Variants in EYS observed in about 807,000 individuals in gnomAD.
EYS encodes the protein protein eyes shut homolog.
EYS carries 250 observed loss-of-function variants against 282.1 expected under a neutral mutation model. The observed-to-expected ratio is 0.89, with a 90% confidence interval of 0.80 to 0.98. EYS has a LOEUF of 0.98. EYS is among the 50% of genes least tolerant of loss of function. The pLI, the probability that EYS is intolerant of heterozygous loss-of-function variation, is 0.00. For missense variants in EYS, 4,016 were observed against 3,709.0 expected (o/e 1.08, Z -2.15); for synonymous variants, 1,355 against 1,282.9 (o/e 1.06, Z -1.20).
At chr6:64,793,766 A>G (rs149847144) in intron 22 of EYS, among the ~76,000 whole-genome samples, 17 of 152,272 alleles carry the variant, frequency 1.1e-4, no homozygotes, top group African/African-American at 3.8e-4. Flanking sequence ...AAAATGTTTT[A>G]CAAATGTCTT....
chr6:64,832,085 C>T (rs1038074123), intron 19 of EYS, among the ~76,000 whole-genome samples: 1 of 151,886 alleles, frequency 6.6e-6, no homozygotes, highest in Non-Finnish European at 1.5e-5. Context: ...ATAGATGAGT[C>T]GGACTTCTGT....
At chr6:65,550,002 C>CCAG (rs3049785) in intron 2 of EYS, among the ~76,000 whole-genome samples, 83,102 of 151,614 alleles carry the variant, frequency 0.55, 22,780 homozygotes, top group East Asian at 0.71. Context: ...CCTCCCTGGA[C>CCAG]CAGTGGTACA....
chr6:65,011,091 G>T (rs1383962122), intron 13 of EYS, among the ~76,000 whole-genome samples: 1 of 152,194 alleles, frequency 6.6e-6, no homozygotes, highest in Non-Finnish European at 1.5e-5. Context: ...GTAGAATGGG[G>T]AACCTCACAA....
Position 64,886,785 on chromosome 6 carries a change from A to T in EYS, c.2904T>A (p.Asn968Lys). Reference protein sequence around the residue: ...YHGPFCELDVNKCKISPCLDE... With the variant: ...YHGPFCELDVKKCKISPCLDE... ...CTAGACAAGGTGAGATTTTACATTT[A>T]TTTACATCAAGTTCACAGAAGGGCC... Residue 968 changes from asparagine to lysine, a missense_variant, in exon 19 of 43, where the codon AAT becomes AAA. By Grantham distance (94) the Asn-to-Lys change is moderately conservative. Transcript: ENST00000503581. 1 of 1,547,028 alleles carries T rather than the reference A, an allele frequency of 6.5e-7. No homozygotes were observed. The highest frequency in any genetic ancestry group is 8.7e-7 in the Non-Finnish European group (1 of 1,144,206).
intron 2 of EYS, among the ~76,000 whole-genome samples, chr6:65,504,465 C>T (rs548049135): frequency 8.2e-4 from 125 of 151,798 alleles, no homozygotes; most frequent in South Asian, 1.9e-3. Flanking sequence ...AGAGGACATT[C>T]TTGCCTTGTT....
intron 19 of EYS, among the ~76,000 whole-genome samples, chr6:64,886,309 TGTC>T (rs1767084764): frequency 6.8e-6 from 1 of 146,342 alleles, no homozygotes; most frequent in Admixed American, 6.8e-5. Flanking sequence ...TCACAATGGC[TGTC>T]TTTTTATGTA....
At chr6:64,921,949 T>A (rs1286192340) in intron 15 of EYS, among the ~76,000 whole-genome samples, 1 of 151,564 alleles carries the variant, frequency 6.6e-6, no homozygotes, top group Admixed American at 6.6e-5. Flanking sequence ...TGATGAAAAA[T>A]TTTAAAAAAC....
chr6:65,358,599 A>ATTGTGT, intron 8 of EYS, among the ~76,000 whole-genome samples: 1 of 140,932 alleles, frequency 7.1e-6, no homozygotes, highest in East Asian at 2.1e-4. Flanking sequence ...AGGTTTCTGA[A>ATTGTGT]GTGTGTGTGT....
intron 34 of EYS, among the ~76,000 whole-genome samples, chr6:63,988,517 A>G (rs1329412026): frequency 1.3e-5 from 2 of 151,682 alleles, no homozygotes; most frequent in East Asian, 3.9e-4. Flanking sequence ...AAAAAAGCAG[A>G]TGTTGTTGGC....
chr6:64,825,061 T>C (rs1007177494), intron 19 of EYS, among the ~76,000 whole-genome samples: 1 of 151,952 alleles, frequency 6.6e-6, no homozygotes, highest in Non-Finnish European at 1.5e-5. Context: ...TTGACTAGTC[T>C]ACTTTACTTA....
At chr6:64,846,989 G>A (rs1270759698) in intron 19 of EYS, among the ~76,000 whole-genome samples, 3 of 146,026 alleles carry the variant, frequency 2.1e-5, no homozygotes, top group African/African-American at 5.0e-5. Context: ...TGTAAACTGA[G>A]TAAAGCATAT....
chr6:64,286,150 C>G (rs1768491969), intron 30 of EYS, among the ~76,000 whole-genome samples: 1 of 152,086 alleles, frequency 6.6e-6, no homozygotes, highest in Non-Finnish European at 1.5e-5. Context: ...CCCAGGAAAC[C>G]CCGACAGCAT....
chr6:64,913,289 G>A (rs1013047006), intron 15 of EYS, among the ~76,000 whole-genome samples: 1 of 152,082 alleles, frequency 6.6e-6, no homozygotes, highest in African/African-American at 2.4e-5. Context: ...GGGCTTACAT[G>A]TGCAGGTTTG....
chr6:64,634,127 G>A (rs1767887695), intron 22 of EYS, among the ~76,000 whole-genome samples: 1 of 152,144 alleles, frequency 6.6e-6, no homozygotes, highest in South Asian at 2.1e-4. Context: ...GGGACTACAG[G>A]TGTGCGCCAC....
chr6:64,818,283 T>G (rs914299270), intron 21 of EYS, among the ~76,000 whole-genome samples: 1 of 152,168 alleles, frequency 6.6e-6, no homozygotes, highest in Non-Finnish European at 1.5e-5. Flanking sequence ...TGGCATATGT[T>G]CTCTCCCCAG....
intron 33 of EYS, among the ~76,000 whole-genome samples, chr6:64,000,199 T>G (rs1768025606): frequency 1.7e-5 from 2 of 116,088 alleles, no homozygotes; most frequent in Non-Finnish European, 3.5e-5. Flanking sequence ...TTTTTTTTTT[T>G]TTTTTTTTTT....
chr6:64,660,252 T>C (rs1464959846), intron 22 of EYS, among the ~76,000 whole-genome samples: 12 of 152,114 alleles, frequency 7.9e-5, no homozygotes, highest in African/African-American at 2.9e-4. Context: ...TAATAAGAGC[T>C]ATCTATGACA....
chr6:65,149,458 G>A (rs1764559637), intron 12 of EYS, among the ~76,000 whole-genome samples: 1 of 152,064 alleles, frequency 6.6e-6, no homozygotes, highest in Non-Finnish European at 1.5e-5. Context: ...TAGCATTTTG[G>A]TCAAAACCAT....
At chr6:64,085,329 CACGT>C (rs1012702763) in intron 31 of EYS, among the ~76,000 whole-genome samples, 16 of 122,166 alleles carry the variant, frequency 1.3e-4, no homozygotes, top group African/African-American at 6.0e-4. Flanking sequence ...CGCGCGTGCG[CACGT>C]GCGCGCGCAC....
Sources: gnomAD v4.1 joint callset for allele counts (sites outside exome capture counted in the v4.1 genomes callset) on GRCh38, gnomAD v4.1.1 for gene constraint, MANE v1.5 for transcripts, NCBI Gene and HGNC (gene_info 2026-07-23, HGNC 2026-07-21) for gene names.